Variants in RP2 observed in about 807,000 individuals in gnomAD.
RP2 encodes the protein RP2 activator of ARL3 GTPase.
In RP2, 3 loss-of-function variants were observed where a neutral mutation model predicts 20.3. The observed-to-expected ratio is 0.15, with a 90% confidence interval of 0.07 to 0.38. The LOEUF is 0.38. Ranked by LOEUF, RP2 falls within the 10% of genes least tolerant of loss-of-function variation. RP2 has a pLI of 1.00. For missense variants in RP2, 233 were observed against 268.5 expected (o/e 0.87, Z 0.92); for synonymous variants, 75 against 94.8 (o/e 0.79, Z 1.22).
Position 46,854,090 on chromosome X carries a change from A to G in RP2, c.717A>G (p.Val239=), listed in dbSNP as rs1556318741. The change falls in exon 2 of 5, where the codon GTA becomes GTG. Residue 239 remains valine (V), a synonymous_variant. Transcript: ENST00000218340. Reference sequence around the variant, plus strand: ...GCAGCGATGAATCATGCTTAGTGGTATTATTTGCTGGTGATTACACTATTG... The same window carrying G: ...GCAGCGATGAATCATGCTTAGTGGTGTTATTTGCTGGTGATTACACTATTG... The part of the protein sequence containing the change: ...QKSSDESCLV[V]LFAGDYTIAN... 1 of 1,211,985 alleles carries G rather than the reference A, an allele frequency of 8.3e-7. No individual in the cohort carries two copies. Among genetic ancestry groups the G allele is most frequent in the Non-Finnish European group, 1.1e-6 (1 of 895,444 alleles).
In RP2 at chrX:46,853,996, A is replaced by G. The variant is rs782302711; in HGVS notation, c.623A>G (p.Lys208Arg). The G allele has an allele frequency of 1.7e-6, 2 of 1,211,903 alleles. No individual in the cohort carries two copies. Among genetic ancestry groups the G allele is most frequent in the South Asian group, 3.5e-5 (2 of 56,999 alleles). ...YVPIPTTEEL[K>R]AVRVSTEANR... is the part of the protein sequence containing the mutation. ...CCTATACCTACTACCGAAGAGCTCA[A>G]AGCTGTTCGTGTTTCCACAGAAGCC... Residue 208 changes from lysine to arginine, a missense_variant, in exon 2 of 5, where the codon AAA (lysine) becomes AGA (arginine). Coordinates refer to ENST00000218340, the MANE Select transcript of RP2 (RefSeq NM_006915.3).
intron 1 of RP2, among the ~76,000 whole-genome samples, chrX:46,838,864 A>G (rs782198776): frequency 8.9e-6 from 1 of 112,075 alleles, no homozygotes; most frequent in South Asian, 3.7e-4. Context: ...TGTGTAATAA[A>G]CTTTCAATTG....
chrX:46,837,057 G>A lies in RP2; in HGVS notation c.-44G>A. On this transcript the variant is annotated 5_prime_UTR_variant, in exon 1 of 5. Transcript: ENST00000218340. ...GGGTTCACGCCACACTCTAGGAAGT[G>A]CCTGAGCTAGTGAGCTGGCCAACGA... is the stretch of plus-strand genomic sequence containing the variant. 1 of 1,133,561 alleles carries A rather than the reference G, an allele frequency of 8.8e-7. No individual in the cohort carries two copies. The highest frequency in any genetic ancestry group is 1.2e-6 in the Non-Finnish European group (1 of 841,529). 93.4% of individuals were successfully genotyped at this position (1,133,561 alleles called of 1,213,427 possible). A position where few individuals can be genotyped will look rare whatever the true frequency, so the allele number is the denominator to read the frequency against.
intron 3 of RP2, among the ~76,000 whole-genome samples, chrX:46,860,998 C>T (rs1292450643): frequency 8.9e-6 from 1 of 112,049 alleles, no homozygotes; most frequent in African/African-American, 3.2e-5. Context: ...TCTGTGGTTA[C>T]TGTAGTGGTA....
At chrX:46,875,161 C>T (rs190449340) in intron 3 of RP2, among the ~76,000 whole-genome samples, 1 of 109,769 alleles carries the variant, frequency 9.1e-6, no homozygotes, top group Non-Finnish European at 1.9e-5. Context: ...TGGGTTTACA[C>T]GGTGACGACC....
chrX:46,865,437 C>T (rs996989481), intron 3 of RP2, among the ~76,000 whole-genome samples: 1 of 111,975 alleles, frequency 8.9e-6, no homozygotes, highest in African/African-American at 3.2e-5. Context: ...CTTCTCATCA[C>T]GACATCACAG....
chrX:46,879,436 C>T (rs1438328053), intron 4 of RP2, among the ~76,000 whole-genome samples: 1 of 110,316 alleles, frequency 9.1e-6, no homozygotes, highest in Non-Finnish European at 1.9e-5. Context: ...AAATACAACT[C>T]AAGTATTATG....
intron 3 of RP2, among the ~76,000 whole-genome samples, chrX:46,874,816 C>T (rs1204903027): frequency 4.6e-5 from 5 of 109,854 alleles, no homozygotes; most frequent in Non-Finnish European, 9.5e-5. Flanking sequence ...GACCCACTTA[C>T]TGTATTTGGT....
intron 2 of RP2, among the ~76,000 whole-genome samples, chrX:46,855,862 C>T (rs1398269215): frequency 3.6e-5 from 4 of 111,148 alleles, no homozygotes; most frequent in Admixed American, 2.9e-4. Context: ...AAAATGAATA[C>T]CTCTCAATAG....
intron 3 of RP2, among the ~76,000 whole-genome samples, chrX:46,862,197 C>A (rs1925078334): frequency 9.1e-6 from 1 of 109,968 alleles, no homozygotes; most frequent in African/African-American, 3.3e-5. Context: ...CATGGTGAAA[C>A]CCTGTCTCTA....
intron 1 of RP2, among the ~76,000 whole-genome samples, chrX:46,841,838 A>G (rs1924627283): frequency 8.9e-6 from 1 of 112,406 alleles, no homozygotes; most frequent in African/African-American, 3.2e-5. Context: ...TTGTTTATTA[A>G]TTTTAAAAAT....
rs1556328652 is a variant in RP2, at chrX:46,881,061, A to T, written c.*1292A>T. 8.9e-6 allele frequency: 1 copy of T among 112,193 alleles called. No homozygotes were observed. Among genetic ancestry groups the T allele is most frequent in the Admixed American group, 9.5e-5 (1 of 10,495 alleles). 9.2% of individuals were successfully genotyped at this position (112,193 alleles called of 1,213,427 possible). A position where few individuals can be genotyped will look rare whatever the true frequency, so the allele number is the denominator to read the frequency against. ...CTATTTTGATAAAACTAAGACTGAAAATAACCACTTGTAAACATTCCTATG... is the reference window on the plus strand; with the variant it reads ...CTATTTTGATAAAACTAAGACTGAATATAACCACTTGTAAACATTCCTATG... On this transcript the variant is annotated 3_prime_UTR_variant, in exon 5 of 5. Coordinates refer to ENST00000218340, the MANE Select transcript of RP2 (RefSeq NM_006915.3).
At chrX:46,874,617 C>G (rs1556327424) in intron 3 of RP2, among the ~76,000 whole-genome samples, 1 of 110,893 alleles carries the variant, frequency 9.0e-6, no homozygotes, top group African/African-American at 3.3e-5. Flanking sequence ...CCTGTCATTT[C>G]ATCCCTAAAT....
chrX:46,854,622 T>G (rs1315666781), intron 2 of RP2, among the ~76,000 whole-genome samples: 1 of 110,976 alleles, frequency 9.0e-6, no homozygotes, highest in African/African-American at 3.3e-5. Context: ...ATAGACAAAA[T>G]TCTCTGCCCT....
chrX:46,838,891 C>A (rs2147075234), intron 1 of RP2, among the ~76,000 whole-genome samples: 1 of 111,213 alleles, frequency 9.0e-6, no homozygotes, highest in Non-Finnish European at 1.9e-5. Flanking sequence ...CTGTTTTGAG[C>A]TTACAGAGAA....
intron 3 of RP2, among the ~76,000 whole-genome samples, chrX:46,862,715 A>G (rs1255471601): frequency 8.9e-6 from 1 of 112,259 alleles, no homozygotes; most frequent in Non-Finnish European, 1.9e-5. Flanking sequence ...TATACATCCT[A>G]ATTCAAAGGG....
At position 46,853,705 on chromosome X, in the gene RP2, C is replaced by T. The variant is rs1556318623; in HGVS notation, c.332C>T (p.Thr111Ile). The change falls in exon 2 of 5, where the codon ACA becomes ATA. Residue 111 changes from threonine to isoleucine, a missense_variant. Thr to Ile is a moderately conservative substitution (Grantham distance 89). Coordinates refer to ENST00000218340, the MANE Select transcript of RP2 (RefSeq NM_006915.3). ...CGGAATTGCAGAGATTGCAAGTGCA[C>T]ATTAGCCTGCCAACAATTTCGTGTG... is the stretch of plus-strand genomic sequence containing the variant. ...FFRNCRDCKC[T>I]LACQQFRVRD... 8.3e-7 allele frequency: 1 copy of T among 1,211,997 alleles called. No homozygotes were observed. The highest frequency in any genetic ancestry group is 1.1e-6 in the Non-Finnish European group (1 of 895,599).
chrX:46,837,318 G>A, intron 1 of RP2, 116 bp downstream of exon 1: 1 of 792,782 alleles, frequency 1.3e-6, no homozygotes, highest in Non-Finnish European at 1.9e-6. Context: ...TCTTGAACGC[G>A]GATAGCTGAA....
chrX:46,869,868 CAA>C (rs1414182594), intron 3 of RP2, among the ~76,000 whole-genome samples: 2 of 111,284 alleles, frequency 1.8e-5, no homozygotes, highest in Non-Finnish European at 3.8e-5. Context: ...CTCGGCCTCC[CAA>C]AGTGCTGGGA....
Sources: gnomAD v4.1 joint callset for allele counts (sites outside exome capture counted in the v4.1 genomes callset) on GRCh38, gnomAD v4.1.1 for gene constraint, MANE v1.5 for transcripts, NCBI Gene and HGNC (gene_info 2026-07-23, HGNC 2026-07-21) for gene names.